The following ADCK2 variants were observed in gnomAD, a reference collection of about 807,000 sequenced individuals.
The protein encoded by ADCK2 is aarF domain containing kinase 2.
Under a neutral mutation model 52.3 loss-of-function variants are expected in ADCK2, and 37 were observed. The ratio of observed to expected loss-of-function variants is 0.71; its 90% CI spans 0.54 to 0.93. The LOEUF is 0.93. Ranked by LOEUF, ADCK2 falls within the 40% of genes least tolerant of loss-of-function variation. The pLI, the probability that ADCK2 is intolerant of heterozygous loss-of-function variation, is 0.00. For missense variants in ADCK2, 695 were observed against 798.7 expected, an observed-to-expected ratio of 0.87 and a Z score of 1.56; for synonymous variants, 321 against 349.2, an observed-to-expected ratio of 0.92 and a Z score of 0.90.
At position 140,674,268 on chromosome 7, in the gene ADCK2, G is replaced by A. The variant is rs1160524150; in HGVS notation, c.933+5G>A. The A allele has an allele frequency of 1.2e-6, 2 of 1,606,352 alleles. No homozygotes were observed. Among genetic ancestry groups the A allele is most frequent in the African/African-American group, 2.7e-5 (2 of 74,622 alleles). ...CTCATCTCCGTGGCAGTGAAAGTAA[G>A]TGTTGTGAGAGCTCACAGCTCACCT... On this transcript the variant is annotated splice_donor_5th_base_variant and intron_variant, in intron 1 of 7. Transcript: ENST00000072869. The surrounding 1 kb of genome is among the most constrained non-coding windows in gnomAD (Gnocchi z 4.6).
rs1563211886 is a variant in ADCK2, at chr7:140,693,024, G to C, written c.1741-1639G>C. Among the ~76,000 whole-genome samples, 1 of 151,998 alleles carries C rather than the reference G, an allele frequency of 6.6e-6. No individual in the cohort carries two copies. ...TTTGTTTTTAGTGGCCATCCTAATG[G>C]GTGTGAGGTGATGTCTCATTGTGGT... On this transcript the variant is annotated intron_variant, in intron 7 of 7. Transcript: ENST00000072869. The surrounding 1 kb of genome is among the most constrained non-coding windows in gnomAD (Gnocchi z 4.0).
At chr7:140,677,832 G>A (rs1411550638) in intron 2 of ADCK2, among the ~76,000 whole-genome samples, 2 of 152,130 alleles carry the variant, frequency 1.3e-5, no homozygotes, top group African/African-American at 4.8e-5. Context: ...TTTGCAGTTG[G>A]ACCAAGTGGG....
chr7:140,694,684 G>C lies in ADCK2; in HGVS notation c.1762G>C (p.Ala588Pro). 6.2e-7 allele frequency: 1 copy of C among 1,613,990 alleles called. No individual in the cohort carries two copies. Among genetic ancestry groups the C allele is most frequent in the East Asian group, 2.2e-5 (1 of 44,882 alleles). ...CCAGGTAAAGCTTGAGAGCAACTTT[G>C]CCTCCATTGTGTTTGCCATCATGGT... ...THKVKLESNF[A>P]SIVFAIMVLE... Residue 588 changes from alanine (A) to proline (P), a missense_variant, in exon 8 of 8, where the codon GCC (alanine) becomes CCC (proline). Coordinates refer to ENST00000072869, the MANE Select transcript of ADCK2 (RefSeq NM_052853.4).
chr7:140,688,131 ACCT>A (rs557740371), intron 5 of ADCK2, among the ~76,000 whole-genome samples: 2 of 147,396 alleles, frequency 1.4e-5, no homozygotes, highest in Non-Finnish European at 3.0e-5. Flanking sequence ...TGCAACATTC[ACCT>A]CCTGGATTCA....
Position 140,679,242 on chromosome 7 carries a change from C to T in ADCK2, c.1168C>T (p.Arg390Cys), listed in dbSNP as rs150090657. ...AGCCGTCAAGTTCCCCACCCCTCTG[C>T]GCCCCTTTGTCACCAGAGAAGTCTT... ...VKAVKFPTPL[R>C]PFVTREVLVE... Residue 390 changes from arginine to cysteine, a missense_variant, in exon 3 of 8, where the codon CGC becomes TGC. Physicochemically the swap from Arg to Cys is radical, Grantham distance 180. Coordinates refer to ENST00000072869, the MANE Select transcript of ADCK2 (RefSeq NM_052853.4). 1.9e-4 allele frequency: 309 copies of T among 1,614,060 alleles called. No individual in the cohort carries two copies. In the African/African-American group the frequency reaches 3.3e-3, roughly 17 times the overall value.
rs1237250699 is a variant in ADCK2 at position 140,674,930 on chromosome 7, C to G, written c.1080+173C>G. ...TCCAAATCTCAGTGGCTTAATGCAA[C>G]AAATTAATTTTTTGCTTATATCAAA... On this transcript the variant is annotated intron_variant, in intron 2 of 7. Transcript: ENST00000072869. The surrounding 1 kb of genome is among the most constrained non-coding windows in gnomAD (Gnocchi z 4.6). Among the ~76,000 whole-genome samples the G allele has an allele frequency of 3.3e-5, 5 of 152,162 alleles. No individual in the cohort carries two copies. Among genetic ancestry groups the G allele is most frequent in the Admixed American group, 3.3e-4 (5 of 15,260 alleles).
intron 5 of ADCK2, among the ~76,000 whole-genome samples, 165 bp downstream of exon 5, chr7:140,687,406 C>T (rs970675555): frequency 3.3e-5 from 5 of 151,910 alleles, no homozygotes; most frequent in Non-Finnish European, 7.4e-5. Context: ...ATAGTGAGAC[C>T]CTGTCTCTAT....
chr7:140,684,377 C>T (rs1435153082), intron 4 of ADCK2, among the ~76,000 whole-genome samples: 10 of 152,132 alleles, frequency 6.6e-5, no homozygotes, highest in Admixed American at 4.6e-4. Flanking sequence ...TGGCTGCCTT[C>T]GTTGGCAGTA....
At chr7:140,689,541 C>A in intron 5 of ADCK2, 56 bp from the exon 6 acceptor site, 2 of 1,517,158 alleles carry the variant, frequency 1.3e-6, no homozygotes, top group South Asian at 1.3e-5. Flanking sequence ...GCTTGGGCAC[C>A]GCATCCAGGT....
At chr7:140,694,316 AG>A (rs1794759182) in intron 7 of ADCK2, among the ~76,000 whole-genome samples, 1 of 152,116 alleles carries the variant, frequency 6.6e-6, no homozygotes, top group African/African-American at 2.4e-5. Flanking sequence ...ACATACATAA[AG>A]GTTACTGTAG....
chr7:140,690,506 C>T (rs1270878839), intron 6 of ADCK2, among the ~76,000 whole-genome samples: 1 of 146,690 alleles, frequency 6.8e-6, no homozygotes, highest in African/African-American at 2.6e-5. Flanking sequence ...GTGGTTGCTT[C>T]AGGGATGGGG....
intron 6 of ADCK2, among the ~76,000 whole-genome samples, chr7:140,690,209 A>T (rs1194630078): frequency 3.3e-5 from 5 of 151,926 alleles, no homozygotes; most frequent in African/African-American, 4.8e-5. Flanking sequence ...GTGATTTTTT[A>T]AAAATTTTTT....
Position 140,673,464 on chromosome 7 carries a change from G to A in ADCK2, c.134G>A (p.Gly45Asp), listed in dbSNP as rs1329520927. Residue 45 changes from glycine to aspartate, a missense_variant, in exon 1 of 8, where the codon GGC becomes GAC. Coordinates refer to ENST00000072869, the MANE Select transcript of ADCK2 (RefSeq NM_052853.4). This position sits in a 1 kb window ranked among gnomAD's most constrained non-coding sequence, Gnocchi z 6.4. ...RDARLCWLLL[G>D]TLPKVVSLCG... ...GCCAGGCTCTGCTGGCTTCTGCTGGGCACTTTGCCCAAGGTCGTCTCCCTG... is the reference window on the plus strand; with the variant it reads ...GCCAGGCTCTGCTGGCTTCTGCTGGACACTTTGCCCAAGGTCGTCTCCCTG... 1 of 1,608,864 alleles carries A rather than the reference G, an allele frequency of 6.2e-7. No homozygotes were observed. The highest frequency in any genetic ancestry group is 1.1e-5 in the South Asian group (1 of 90,666).
In ADCK2 at chr7:140,673,539, T is replaced by G. The variant is rs1257096612; in HGVS notation, c.209T>G (p.Val70Gly). The change falls in exon 1 of 8, where the codon GTC becomes GGC. Residue 70 changes from valine (V) to glycine (G), a missense_variant. By Grantham distance (109) the Val-to-Gly change is moderately radical. Transcript: ENST00000072869. This position sits in a 1 kb window ranked among gnomAD's most constrained non-coding sequence, Gnocchi z 6.4. ...GAPDVLSRRR[V>G]RCSGAAGAGP... is the part of the protein sequence containing the mutation. Reference sequence around the variant, plus strand: ...CCTGACGTTCTGAGTCGGCGAAGGGTCCGCTGCAGCGGGGCGGCTGGCGCG... The same window carrying G: ...CCTGACGTTCTGAGTCGGCGAAGGGGCCGCTGCAGCGGGGCGGCTGGCGCG... The G allele has an allele frequency of 1.2e-6, 2 of 1,600,248 alleles. No individual in the cohort carries two copies. Among genetic ancestry groups the G allele is most frequent in the East Asian group, 4.5e-5 (2 of 44,696 alleles).
chr7:140,674,771 C>T lies in ADCK2; in HGVS notation c.1080+14C>T. The T allele has an allele frequency of 6.2e-7, 1 of 1,612,080 alleles. No individual in the cohort carries two copies. Among genetic ancestry groups the T allele is most frequent in the Non-Finnish European group, 8.5e-7 (1 of 1,178,628 alleles). On this transcript the variant is annotated intron_variant, in intron 2 of 7. Coordinates refer to ENST00000072869, the MANE Select transcript of ADCK2 (RefSeq NM_052853.4). The surrounding 1 kb of genome is among the most constrained non-coding windows in gnomAD (Gnocchi z 4.6). The stretch of plus-strand genomic sequence containing the variant: ...ATGGTCCAACAGGTGAGTTCTCCTC[C>T]CCTCAGCTGTAAATAGCACCTAACA...
intron 4 of ADCK2, among the ~76,000 whole-genome samples, chr7:140,682,393 T>G (rs1161490130): frequency 6.6e-6 from 1 of 152,076 alleles, no homozygotes; most frequent in Non-Finnish European, 1.5e-5. Context: ...TACTGCATGG[T>G]GCTCTTGGAG....
At chr7:140,677,339 C>T (rs928690791) in intron 2 of ADCK2, among the ~76,000 whole-genome samples, 5 of 150,978 alleles carry the variant, frequency 3.3e-5, no homozygotes, top group Non-Finnish European at 7.4e-5. Flanking sequence ...ACCCAGGAGG[C>T]GGAGGTTGCA....
Position 140,694,873 on chromosome 7 carries a change from C to G in ADCK2, c.*70C>G. 1 of 1,518,192 alleles carries G rather than the reference C, an allele frequency of 6.6e-7. No homozygotes were observed. The highest frequency in any genetic ancestry group is 1.3e-5 in the South Asian group (1 of 77,156). 94.0% of individuals were successfully genotyped at this position (1,518,192 alleles called of 1,614,324 possible). ...CTCCCAAGAGCCTCTCCTATGGCAG[C>G]TGGGACGTTTTAAAATTGGGACACC... is the stretch of plus-strand genomic sequence containing the variant. On this transcript the variant is annotated 3_prime_UTR_variant, in exon 8 of 8. Coordinates refer to ENST00000072869, the MANE Select transcript of ADCK2 (RefSeq NM_052853.4).
chr7:140,675,257 A>T (rs1794380077), intron 2 of ADCK2, among the ~76,000 whole-genome samples: 1 of 152,200 alleles, frequency 6.6e-6, no homozygotes, highest in Admixed American at 6.5e-5. Context: ...AAATAAAAAC[A>T]AAAAACAAAG....
Sources: allele counts gnomAD v4.1 joint callset (sites outside exome capture counted in the v4.1 genomes callset), GRCh38; gene constraint gnomAD v4.1.1; non-coding constraint Gnocchi (gnomAD v3.1); transcripts MANE v1.5; gene names NCBI Gene and HGNC (gene_info 2026-07-23, HGNC 2026-07-21).